Variants in RAD51B observed in about 807,000 individuals in gnomAD.
RAD51B encodes the protein RAD51 paralog B.
RAD51B carries 38 observed loss-of-function variants against 42.2 expected under a neutral mutation model. That is an observed-to-expected ratio of 0.90 (90% CI 0.70 to 1.18). The LOEUF is 1.18. Ranked by LOEUF, RAD51B falls within the 50% of genes most tolerant of loss-of-function variation. The pLI is 0.00. For missense variants in RAD51B, 373 were observed against 400.7 expected (o/e 0.93, Z 0.59); for synonymous variants, 154 against 145.2 (o/e 1.06, Z -0.43).
At chr14:68,303,457 T>TAAAAAAAAAAAAAAAAAAAGAAAAAA (rs2081790956) in intron 8 of RAD51B, among the ~76,000 whole-genome samples, 1 of 138,740 alleles carries the variant, frequency 7.2e-6, no homozygotes, top group Non-Finnish European at 1.5e-5. Context: ...TAAAGTATAA[T>TAAAAAAAAAAAAAAAAAAAGAAAAAA]AAAAAAAAAA....
intron 8 of RAD51B, among the ~76,000 whole-genome samples, chr14:68,392,985 T>C (rs1365237884): frequency 1.3e-5 from 2 of 152,216 alleles, no homozygotes; most frequent in African/African-American, 4.8e-5. Flanking sequence ...TGCCTCTGCT[T>C]TGCTGGCTTC....
intron 8 of RAD51B, among the ~76,000 whole-genome samples, chr14:68,303,460 A>T (rs1446925291): frequency 2.3e-3 from 36 of 15,926 alleles, no homozygotes; most frequent in Admixed American, 4.2e-3. Context: ...AGTATAATAA[A>T]AAAAAAAAAA....
chr14:68,503,400 C>CAG (rs5809382), intron 10 of RAD51B, among the ~76,000 whole-genome samples: 151,958 of 152,288 alleles, frequency 1, 75,815 homozygotes, highest in East Asian at 1. Flanking sequence ...GGAGGAGAAA[C>CAG]AGCTGAGGAG....
intron 7 of RAD51B, among the ~76,000 whole-genome samples, chr14:67,974,418 T>G (rs757869957): frequency 6.6e-6 from 1 of 152,124 alleles, no homozygotes; most frequent in Admixed American, 6.6e-5. Flanking sequence ...TATTGATCTA[T>G]GTACTGAGAC....
chr14:67,822,193 G>A (rs910117994), intron 1 of RAD51B: 2 of 152,064 alleles, frequency 1.3e-5, no homozygotes, highest in African/African-American at 2.4e-5. Context: ...TCCTGTTTCA[G>A]TTCGTTCCAG....
chr14:68,088,252 C>T (rs1474672631), intron 7 of RAD51B, among the ~76,000 whole-genome samples: 2 of 151,064 alleles, frequency 1.3e-5, no homozygotes, highest in Non-Finnish European at 2.9e-5. Flanking sequence ...TTTTATTGAC[C>T]TGCATGCTAT....
intron 7 of RAD51B, among the ~76,000 whole-genome samples, chr14:67,912,463 A>T (rs773756171): frequency 3.3e-5 from 5 of 152,182 alleles, no homozygotes; most frequent in African/African-American, 1.2e-4. Flanking sequence ...AGAAAATTGT[A>T]TAGTTATATG....
At chr14:68,550,015 G>A (rs931618223) in intron 10 of RAD51B, among the ~76,000 whole-genome samples, 36 of 152,274 alleles carry the variant, frequency 2.4e-4, no homozygotes, top group African/African-American at 7.7e-4. Context: ...AGATTGTCCT[G>A]CTACAGAAAA....
chr14:67,825,056 C>T (rs1049462221), intron 2 of RAD51B, among the ~76,000 whole-genome samples: 16 of 111,644 alleles, frequency 1.4e-4, no homozygotes, highest in East Asian at 5.6e-4. Flanking sequence ...CCAGCCTGGG[C>T]GACAGAGCAA....
At chr14:67,842,739 C>G (rs2041471543) in intron 4 of RAD51B, among the ~76,000 whole-genome samples, 1 of 152,174 alleles carries the variant, frequency 6.6e-6, no homozygotes, top group Non-Finnish European at 1.5e-5. Context: ...AGTGGTGAGA[C>G]TGGGCATCCT....
At chr14:67,911,882 G>C (rs1307907696) in intron 7 of RAD51B, among the ~76,000 whole-genome samples, 1 of 152,088 alleles carries the variant, frequency 6.6e-6, no homozygotes, top group Non-Finnish European at 1.5e-5. Context: ...AACCATTACT[G>C]TCTGGGGAGC....
intron 7 of RAD51B, among the ~76,000 whole-genome samples, chr14:67,940,011 A>G (rs1215016418): frequency 9.2e-6 from 1 of 108,686 alleles, no homozygotes; most frequent in African/African-American, 3.6e-5. Flanking sequence ...AAACTGTAAC[A>G]TTTGATAGAT....
At chr14:68,093,493 T>C (rs1439124433) in intron 7 of RAD51B, among the ~76,000 whole-genome samples, 2 of 152,168 alleles carry the variant, frequency 1.3e-5, no homozygotes, top group Non-Finnish European at 2.9e-5. Context: ...TGCATAGAGG[T>C]GTTTATAGTA....
intron 8 of RAD51B, chr14:68,339,393 T>C (rs2082526981): frequency 2.2e-6 from 2 of 898,816 alleles, no homozygotes; most frequent in African/African-American, 1.7e-5. Context: ...TCTTTGGGGC[T>C]GGATATCCTG....
chr14:68,049,665 A>G (rs980070106), intron 7 of RAD51B, among the ~76,000 whole-genome samples: 1 of 152,146 alleles, frequency 6.6e-6, no homozygotes, highest in Admixed American at 6.5e-5. Context: ...AGAGTTTCCA[A>G]ACAATTCTTC....
intron 7 of RAD51B, among the ~76,000 whole-genome samples, chr14:68,079,819 G>T (rs571455927): frequency 6.6e-6 from 1 of 152,148 alleles, no homozygotes; most frequent in Non-Finnish European, 1.5e-5. Context: ...AAAGATTTAA[G>T]GTGGCGTATG....
chr14:68,300,346 C>T (rs1479402289), intron 8 of RAD51B, among the ~76,000 whole-genome samples: 1 of 152,098 alleles, frequency 6.6e-6, no homozygotes, highest in Non-Finnish European at 1.5e-5. Flanking sequence ...GCTGGTACTA[C>T]AGGCATGCAC....
intron 9 of RAD51B, among the ~76,000 whole-genome samples, chr14:68,443,186 C>T (rs768804092): frequency 2.0e-5 from 3 of 152,142 alleles, no homozygotes; most frequent in South Asian, 4.2e-4. Flanking sequence ...GAATATTTTG[C>T]GGCCAGCTCT....
chr14:68,556,589 C>A (rs776574533), intron 10 of RAD51B, among the ~76,000 whole-genome samples: 21 of 152,220 alleles, frequency 1.4e-4, no homozygotes, highest in Non-Finnish European at 2.2e-4. Context: ...GAGCGTGAAA[C>A]CTGAGGAGCA....
Sources: gnomAD v4.1 joint callset for allele counts (sites outside exome capture counted in the v4.1 genomes callset) on GRCh38, gnomAD v4.1.1 for gene constraint, MANE v1.5 for transcripts, NCBI Gene and HGNC (gene_info 2026-07-23, HGNC 2026-07-21) for gene names.